Variants in PARD3B observed in about 807,000 individuals in gnomAD.
The protein encoded by PARD3B is partitioning defective 3 homolog B.
A neutral mutation model predicts 130.2 loss-of-function variants in PARD3B; 103 were observed. The ratio of observed to expected loss-of-function variants is 0.79; its 90% confidence interval spans 0.67 to 0.93. The LOEUF is 0.93. Ranked by LOEUF, PARD3B falls within the 40% of genes least tolerant of loss-of-function variation. The pLI, the probability that PARD3B is intolerant of heterozygous loss-of-function variation, is 0.00. For synonymous variants in PARD3B, 583 were observed against 553.2 expected, an observed-to-expected ratio of 1.05 and a Z score of -0.76; for missense variants, 1,609 against 1,499.2, an observed-to-expected ratio of 1.07 and a Z score of -1.21.
chr2:205,271,928 C>A (rs139519648), intron 16 of PARD3B, among the ~76,000 whole-genome samples: 1 of 152,196 alleles, frequency 6.6e-6, no homozygotes, highest in African/African-American at 2.4e-5. Flanking sequence ...GAGGCCGAGG[C>A]GGGTGGATCA....
At chr2:204,634,769 G>GT (rs1261167065) in intron 1 of PARD3B, among the ~76,000 whole-genome samples, 2 of 151,986 alleles carry the variant, frequency 1.3e-5, no homozygotes. Context: ...GCATAATATA[G>GT]TTTTTTTCCC....
In PARD3B at chr2:205,040,693, A is replaced by G. The variant is rs553135574; in HGVS notation, c.395-6888A>G. 2.6e-5 allele frequency among the ~76,000 whole-genome samples: 4 copies of G among 152,278 alleles called. 1 individual carries two copies. Among genetic ancestry groups the G allele is most frequent in the African/African-American group, 9.6e-5 (4 of 41,552 alleles). On this transcript the variant is annotated intron_variant, in intron 3 of 22. Transcript: ENST00000406610. ...ATTTGCAAGAACTTTAGCCACTTGC[A>G]GTTTACTTTCATCATCAATGTAAAA...
At chr2:205,191,217 G>GA (rs2036382448) in intron 14 of PARD3B, among the ~76,000 whole-genome samples, 1 of 152,042 alleles carries the variant, frequency 6.6e-6, no homozygotes, top group Non-Finnish European at 1.5e-5. Context: ...CAGAAATAAA[G>GA]AAAAGGATTC....
chr2:205,591,702 C>G lies in PARD3B; in HGVS notation c.3261-23754C>G, dbSNP rs1042052481. ...ACAGGATTGCTGAGCTCAAGGTTGG[C>G]TGGAACCTAAACACAGACATACAAG... is the stretch of plus-strand genomic sequence containing the variant. On this transcript the variant is annotated intron_variant, in intron 22 of 22. Transcript: ENST00000406610. The surrounding 1 kb of genome is among the most constrained non-coding windows in gnomAD (Gnocchi z 4.2). 6.6e-6 allele frequency among the ~76,000 whole-genome samples: 1 copy of G among 152,150 alleles called. No individual in the cohort carries two copies. The highest frequency in any genetic ancestry group is 2.4e-5 in the African/African-American group (1 of 41,422).
intron 19 of PARD3B, among the ~76,000 whole-genome samples, chr2:205,425,058 C>G (rs1204779746): frequency 6.6e-6 from 1 of 152,164 alleles, no homozygotes; most frequent in Non-Finnish European, 1.5e-5. Flanking sequence ...TCTTACAGCT[C>G]TTTCTTCAGT....
intron 1 of PARD3B, among the ~76,000 whole-genome samples, chr2:204,670,470 C>A (rs1574657534): frequency 1.3e-5 from 2 of 152,120 alleles, no homozygotes; most frequent in Admixed American, 1.3e-4. Context: ...CACTCTAAAC[C>A]CCACAGGTTT....
chr2:205,209,620 A>G (rs7577652), intron 15 of PARD3B, among the ~76,000 whole-genome samples: 4,697 of 151,442 alleles, frequency 0.031, 96 homozygotes, highest in East Asian at 0.083. Context: ...TTAAAAATAT[A>G]TGATATAAAT....
chr2:204,913,369 T>C (rs924457305), intron 2 of PARD3B, among the ~76,000 whole-genome samples: 8 of 152,314 alleles, frequency 5.3e-5, no homozygotes, highest in South Asian at 2.1e-4. Flanking sequence ...GTTTCCTCAA[T>C]TGATGACAGT....
At chr2:205,502,030 G>A (rs900614648) in intron 21 of PARD3B, among the ~76,000 whole-genome samples, 7 of 152,116 alleles carry the variant, frequency 4.6e-5, no homozygotes, top group South Asian at 2.1e-4. Context: ...ATGCACTGCC[G>A]TAAAACACGA....
chr2:204,820,660 C>G (rs926289091), intron 2 of PARD3B, among the ~76,000 whole-genome samples: 1 of 151,628 alleles, frequency 6.6e-6, no homozygotes, highest in Non-Finnish European at 1.5e-5. Flanking sequence ...ACTAAAAATA[C>G]AAAAATTAGC....
chr2:204,806,406 A>G (rs1189059310), intron 2 of PARD3B, among the ~76,000 whole-genome samples: 1 of 152,224 alleles, frequency 6.6e-6, no homozygotes, highest in Non-Finnish European at 1.5e-5. Flanking sequence ...AGTCTTCAAT[A>G]AATAGTGCTG....
At chr2:205,135,263 G>GTAGTTGGTT (rs2032382145) in intron 10 of PARD3B, among the ~76,000 whole-genome samples, 1 of 152,182 alleles carries the variant, frequency 6.6e-6, no homozygotes, top group African/African-American at 2.4e-5. Context: ...AAACTTAGGG[G>GTAGTTGGTT]ACAACCTTGA....
At chr2:204,566,791 G>C (rs535890424) in intron 1 of PARD3B, among the ~76,000 whole-genome samples, 1 of 151,800 alleles carries the variant, frequency 6.6e-6, no homozygotes, top group South Asian at 2.1e-4. Context: ...TGGATCAGAG[G>C]CCTCTAATGT....
At chr2:204,619,522 G>C (rs1362067549) in intron 1 of PARD3B, among the ~76,000 whole-genome samples, 1 of 152,150 alleles carries the variant, frequency 6.6e-6, no homozygotes, top group Non-Finnish European at 1.5e-5. Context: ...CAAAAGAGCA[G>C]GTTTTTTTTA....
intron 2 of PARD3B, among the ~76,000 whole-genome samples, chr2:204,791,122 A>AT (rs1447731067): frequency 1.6e-4 from 1 of 6,064 alleles, no homozygotes; most frequent in South Asian, 0.022. Flanking sequence ...TAAAAAAAGG[A>AT]TAAAAAAAAA....
chr2:205,610,641 G>C (rs979898001), intron 22 of PARD3B, among the ~76,000 whole-genome samples: 1 of 152,082 alleles, frequency 6.6e-6, no homozygotes, highest in South Asian at 2.1e-4. Flanking sequence ...GTACTCTGTA[G>C]GGCAACAGAG....
At chr2:205,607,948 T>A (rs1273318595) in intron 22 of PARD3B, among the ~76,000 whole-genome samples, 1 of 151,990 alleles carries the variant, frequency 6.6e-6, no homozygotes, top group Non-Finnish European at 1.5e-5. Flanking sequence ...AGAGGGATTC[T>A]AATAATCTAA....
At chr2:204,861,168 CT>C (rs1314682199) in intron 2 of PARD3B, among the ~76,000 whole-genome samples, 32 of 54,656 alleles carry the variant, frequency 5.9e-4, no homozygotes, top group African/African-American at 1.0e-3. Flanking sequence ...ACCTTTCTCT[CT>C]CTCTCTCTCT....
intron 1 of PARD3B, among the ~76,000 whole-genome samples, chr2:204,571,356 G>A (rs1187482667): frequency 6.6e-6 from 1 of 152,166 alleles, no homozygotes; most frequent in African/African-American, 2.4e-5. Context: ...GTTTTCTAGT[G>A]TCTTATTTAT....
Sources: allele counts gnomAD v4.1 joint callset (sites outside exome capture counted in the v4.1 genomes callset), GRCh38; gene constraint gnomAD v4.1.1; non-coding constraint Gnocchi (gnomAD v3.1); transcripts MANE v1.5; gene names NCBI Gene and HGNC (gene_info 2026-07-23, HGNC 2026-07-21).